The following WASHC3 variants were observed in gnomAD, a reference collection of about 807,000 sequenced individuals.
WASHC3 encodes WASH complex subunit 3.
Under a neutral mutation model 26.1 loss-of-function variants are expected in WASHC3, and 24 were observed. The ratio of observed to expected loss-of-function variants is 0.92; its 90% CI spans 0.66 to 1.29. The LOEUF (loss-of-function observed/expected upper bound fraction) is 1.29, where lower values mean the gene tolerates loss of function less well. Ranked by LOEUF, WASHC3 falls within the 50% of genes most tolerant of loss-of-function variation. The pLI is 0.00. For missense variants in WASHC3, 214 were observed against 229.6 expected (o/e 0.93, Z 0.44); for synonymous variants, 77 against 75.7 (o/e 1.02, Z -0.09).
chr12:102,033,779 G>A (rs888284904), intron 5 of WASHC3, among the ~76,000 whole-genome samples: 1 of 148,992 alleles, frequency 6.7e-6, no homozygotes, highest in Non-Finnish European at 1.5e-5. Context: ...CTTCCTTTGT[G>A]TTAATATAAA....
At chr12:102,050,284 G>C (rs1001575601) in intron 2 of WASHC3, 6 of 454,202 alleles carry the variant, frequency 1.3e-5, no homozygotes, top group Non-Finnish European at 2.6e-5. Context: ...GACAAAGTGA[G>C]ACCCTGTCTG....
At chr12:102,047,237 AGC>A (rs1251438484) in intron 2 of WASHC3, among the ~76,000 whole-genome samples, 5 of 152,186 alleles carry the variant, frequency 3.3e-5, no homozygotes, top group African/African-American at 9.7e-5. Flanking sequence ...GCAGATACAC[AGC>A]ATCCTGATTG....
intron 5 of WASHC3, among the ~76,000 whole-genome samples, chr12:102,027,606 C>CA (rs1307819311): frequency 6.6e-6 from 1 of 151,776 alleles, no homozygotes; most frequent in Non-Finnish European, 1.5e-5. Context: ...TTATTTACTT[C>CA]AAAAAAACTG....
chr12:102,048,329 A>C (rs1878247270), intron 2 of WASHC3: 1 of 152,272 alleles, frequency 6.6e-6, no homozygotes, highest in Admixed American at 6.5e-5. Context: ...TAATCCCAGC[A>C]CTTTGGGAGG....
intron 6 of WASHC3, among the ~76,000 whole-genome samples, chr12:102,017,518 T>C (rs1876758366): frequency 6.6e-6 from 1 of 152,222 alleles, no homozygotes; most frequent in Non-Finnish European, 1.5e-5. Context: ...GACAGCATTC[T>C]GGGTAAAGAA....
At chr12:102,033,831 C>G (rs1160405223) in intron 5 of WASHC3, among the ~76,000 whole-genome samples, 2 of 150,840 alleles carry the variant, frequency 1.3e-5, no homozygotes, top group Non-Finnish European at 3.0e-5. Flanking sequence ...AAAACTGTTT[C>G]TATAAGCTGT....
At chr12:102,033,666 A>T (rs776200103) in intron 5 of WASHC3, among the ~76,000 whole-genome samples, 1 of 152,190 alleles carries the variant, frequency 6.6e-6, no homozygotes, top group Middle Eastern at 3.4e-3. Flanking sequence ...GGTTATTCTT[A>T]AGATCTTAGG....
intron 5 of WASHC3, among the ~76,000 whole-genome samples, chr12:102,037,262 G>A (rs988770618): frequency 1.3e-5 from 2 of 152,154 alleles, no homozygotes; most frequent in Non-Finnish European, 2.9e-5. Flanking sequence ...GCAGGAATGA[G>A]GAATACTGTA....
intron 5 of WASHC3, among the ~76,000 whole-genome samples, chr12:102,033,985 G>C (rs1350438099): frequency 6.6e-6 from 1 of 152,004 alleles, no homozygotes; most frequent in Non-Finnish European, 1.5e-5. Context: ...GCAAATGTTA[G>C]TCACCCCTAA....
chr12:102,061,972 G>A lies in WASHC3; in HGVS notation c.-10C>T. 5.7e-6 allele frequency: 9 copies of A among 1,592,300 alleles called. No individual in the cohort carries two copies. The highest frequency in any genetic ancestry group is 7.7e-6 in the Non-Finnish European group (9 of 1,168,264). On this transcript the variant is annotated 5_prime_UTR_variant, in exon 1 of 7. Coordinates refer to ENST00000240079, the MANE Select transcript of WASHC3 (RefSeq NM_016053.4). The stretch of plus-strand genomic sequence containing the variant: ...GCCCGTCCTCATCCATCTCCTCAGC[G>A]GGCGGTGGACCCCGAGTTCACCCAC...
intron 5 of WASHC3, among the ~76,000 whole-genome samples, chr12:102,031,163 T>G (rs574265912): frequency 1.3e-5 from 2 of 152,344 alleles, no homozygotes; most frequent in African/African-American, 4.8e-5. Context: ...TTCACTGACT[T>G]TAGCAGAGAG....
upstream of WASHC3, chr12:102,062,098 C>G (rs183616682): frequency 2.9e-6 from 2 of 686,806 alleles, no homozygotes; most frequent in South Asian, 3.7e-5. Context: ...GAAAGCTTCT[C>G]CGCTCACTAA....
intron 5 of WASHC3, among the ~76,000 whole-genome samples, chr12:102,035,416 T>C (rs1438231858): frequency 6.6e-6 from 1 of 152,108 alleles, no homozygotes; most frequent in Admixed American, 6.6e-5. Flanking sequence ...TGTTGGAAAT[T>C]TTGACAGTCA....
At chr12:102,017,642 A>G (rs889963739) in intron 6 of WASHC3, 5 of 320,696 alleles carry the variant, frequency 1.6e-5, no homozygotes, top group Non-Finnish European at 2.4e-5. Flanking sequence ...TAGCAGGAGC[A>G]ATAGGTGGAA....
intron 6 of WASHC3, among the ~76,000 whole-genome samples, chr12:102,025,468 T>C (rs959023310): frequency 1.9e-4 from 29 of 152,062 alleles, no homozygotes; most frequent in African/African-American, 6.8e-4. Context: ...GTATCTAGTT[T>C]CTTAATAACC....
rs149632754 is a variant in WASHC3, at chr12:102,018,274, C to T, written c.501-5082G>A. Reference sequence around the variant, plus strand: ...TGTGAAAAATGCTGCTATGAACATGCGTATACAAATATCTCTTTGAGACTC... The same window carrying T: ...TGTGAAAAATGCTGCTATGAACATGTGTATACAAATATCTCTTTGAGACTC... On this transcript the variant is annotated intron_variant, in intron 6 of 6. Transcript: ENST00000240079. Among the ~76,000 whole-genome samples, 1,127 of 152,280 alleles carry T rather than the reference C, an allele frequency of 7.4e-3. 6 individuals are homozygous for T. The highest frequency in any genetic ancestry group is 0.031 in the East Asian group (161 of 5,190).
intron 4 of WASHC3, 72 bp from the exon 5 acceptor site, chr12:102,040,050 G>A (rs1877879906): frequency 1.3e-5 from 8 of 600,614 alleles, no homozygotes; most frequent in Middle Eastern, 2.7e-4. Context: ...TAAAAGGAAT[G>A]TTTCTTTCCA....
At chr12:102,060,554 T>G (rs1022656211) in intron 2 of WASHC3, among the ~76,000 whole-genome samples, 13 of 152,224 alleles carry the variant, frequency 8.5e-5, no homozygotes, top group Admixed American at 1.3e-4. Context: ...TTCTAGGCTA[T>G]CTCCTCTAGC....
chr12:102,029,794 C>T (rs1482815146), intron 5 of WASHC3, among the ~76,000 whole-genome samples: 1 of 151,958 alleles, frequency 6.6e-6, no homozygotes, highest in African/African-American at 2.4e-5. Flanking sequence ...CTACCTAAGG[C>T]AACAATAAAA....
Sources: gnomAD v4.1 joint callset for allele counts (sites outside exome capture counted in the v4.1 genomes callset) on GRCh38, gnomAD v4.1.1 for gene constraint, MANE v1.5 for transcripts, NCBI Gene and HGNC (gene_info 2026-07-23, HGNC 2026-07-21) for gene names.